Variants in EXOC6B observed in about 807,000 individuals in gnomAD.
EXOC6B encodes exocyst complex component 6B.
A neutral mutation model predicts 113.5 loss-of-function variants in EXOC6B; 54 were observed. The observed-to-expected ratio is 0.48, with a 90% CI of 0.38 to 0.60. The LOEUF (loss-of-function observed/expected upper bound fraction) is 0.60. EXOC6B is among the 20% of genes least tolerant of loss of function. The pLI is 0.00. For missense variants in EXOC6B, 797 were observed against 977.5 expected (o/e 0.82, Z 2.46); for synonymous variants, 357 against 339.0 (o/e 1.05, Z -0.58).
intron 20 of EXOC6B, among the ~76,000 whole-genome samples, chr2:72,285,485 T>C (rs1685371254): frequency 6.6e-6 from 1 of 151,802 alleles, no homozygotes; most frequent in Non-Finnish European, 1.5e-5. Context: ...AAAAATAAAC[T>C]ACAAATGGAT....
At chr2:72,470,282 G>A (rs1222117607) in intron 17 of EXOC6B, among the ~76,000 whole-genome samples, 2 of 151,860 alleles carry the variant, frequency 1.3e-5, no homozygotes, top group East Asian at 1.9e-4. Flanking sequence ...TTTTCATTGC[G>A]GACATTTTTC....
At chr2:72,295,018 G>T (rs1686037764) in intron 20 of EXOC6B, among the ~76,000 whole-genome samples, 1 of 151,952 alleles carries the variant, frequency 6.6e-6, no homozygotes, top group Non-Finnish European at 1.5e-5. Flanking sequence ...GGATCACGTG[G>T]TCAGGAAATC....
intron 1 of EXOC6B, among the ~76,000 whole-genome samples, chr2:72,742,183 G>A (rs947384081): frequency 2.0e-5 from 3 of 152,008 alleles, no homozygotes; most frequent in Admixed American, 2.0e-4. Flanking sequence ...TTCCAAGCTC[G>A]TATCTACAAT....
At chr2:72,766,713 G>A (rs937692729) in intron 1 of EXOC6B, among the ~76,000 whole-genome samples, 1 of 151,994 alleles carries the variant, frequency 6.6e-6, no homozygotes, top group Non-Finnish European at 1.5e-5. Flanking sequence ...CAGCACTTTG[G>A]GAGGATGAGG....
At chr2:72,643,803 A>G (rs1288333929) in intron 6 of EXOC6B, among the ~76,000 whole-genome samples, 1 of 150,736 alleles carries the variant, frequency 6.6e-6, no homozygotes, top group Admixed American at 6.6e-5. Context: ...GCAATAAAAA[A>G]AATTAAAAAA....
chr2:72,681,137 A>AG (rs1676671579), intron 6 of EXOC6B, among the ~76,000 whole-genome samples: 1 of 152,194 alleles, frequency 6.6e-6, no homozygotes. Context: ...ATCATGATCT[A>AG]GCTGCAACAT....
At chr2:72,551,408 G>A (rs1703214309) in intron 8 of EXOC6B, among the ~76,000 whole-genome samples, 1 of 152,200 alleles carries the variant, frequency 6.6e-6, no homozygotes, top group African/African-American at 2.4e-5. Context: ...ATGTTGGCCA[G>A]GATGGTCTCG....
intron 6 of EXOC6B, among the ~76,000 whole-genome samples, chr2:72,693,461 T>C (rs1196748738): frequency 2.0e-5 from 3 of 152,176 alleles, no homozygotes; most frequent in Non-Finnish European, 4.4e-5. Flanking sequence ...GTATAGCTCT[T>C]TTCTTTGCCT....
chr2:72,771,197 T>G (rs981141680), intron 1 of EXOC6B, among the ~76,000 whole-genome samples: 1 of 152,248 alleles, frequency 6.6e-6, no homozygotes, highest in Admixed American at 6.5e-5. Flanking sequence ...GCCAATTAAT[T>G]TGTAAAAATT....
chr2:72,319,306 A>C (rs887601855), intron 20 of EXOC6B, among the ~76,000 whole-genome samples: 4 of 152,160 alleles, frequency 2.6e-5, no homozygotes, highest in African/African-American at 9.7e-5. Flanking sequence ...TTTAATGGTA[A>C]AAGACTGAAT....
intron 11 of EXOC6B, among the ~76,000 whole-genome samples, chr2:72,502,663 A>C (rs953702244): frequency 9.2e-5 from 14 of 152,320 alleles, no homozygotes; most frequent in South Asian, 8.3e-4. Flanking sequence ...CCAATATAAA[A>C]AATTGTCTCC....
intron 20 of EXOC6B, among the ~76,000 whole-genome samples, chr2:72,229,595 AAG>A (rs1338580465): frequency 1.3e-5 from 2 of 152,186 alleles, no homozygotes; most frequent in African/African-American, 2.4e-5. Flanking sequence ...TAAAAGGATG[AAG>A]AGAGAGACAA....
chr2:72,495,636 T>C (rs1238236292), intron 14 of EXOC6B, 97 bp from the exon 15 acceptor site: 1 of 694,804 alleles, frequency 1.4e-6, no homozygotes, highest in Non-Finnish European at 2.5e-6. Context: ...TTCTTTCACA[T>C]TGTGAATTGT....
rs148170217 is a variant in EXOC6B, at chr2:72,194,601, G to C, written c.2197-10414C>G. ...TCTCTCTCTCTCTCTCTCTCTCTGTGTGTGTGTGTGCATATGTGTGTGTGC... is the reference window on the plus strand; with the variant it reads ...TCTCTCTCTCTCTCTCTCTCTCTGTCTGTGTGTGTGCATATGTGTGTGTGC... On this transcript the variant is annotated intron_variant, in intron 20 of 21. Coordinates refer to ENST00000272427, the MANE Select transcript of EXOC6B (RefSeq NM_015189.3). 2.1e-3 allele frequency among the ~76,000 whole-genome samples: 249 copies of C among 117,796 alleles called. 1 individual carries two copies. The highest frequency in any genetic ancestry group is 0.011 in the African/African-American group (211 of 18,960). 77.3% of individuals were successfully genotyped at this position (117,796 alleles called of 152,430 possible).
chr2:72,562,264 A>C (rs1017531338), intron 7 of EXOC6B, among the ~76,000 whole-genome samples: 9 of 152,164 alleles, frequency 5.9e-5, no homozygotes, highest in African/African-American at 1.9e-4. Context: ...GTTTGGAAGA[A>C]TAAGAAGTGA....
intron 8 of EXOC6B, among the ~76,000 whole-genome samples, chr2:72,518,123 T>C (rs913404884): frequency 6.6e-6 from 1 of 152,154 alleles, no homozygotes; most frequent in Non-Finnish European, 1.5e-5. Flanking sequence ...TGCCTGTCTA[T>C]TCACAGAGAG....
intron 6 of EXOC6B, among the ~76,000 whole-genome samples, chr2:72,622,983 G>A (rs1671836158): frequency 6.6e-6 from 1 of 152,040 alleles, no homozygotes. Context: ...TCAAGATAAA[G>A]GTTATAGGGA....
chr2:72,578,415 C>A (rs1705007186), intron 6 of EXOC6B, among the ~76,000 whole-genome samples: 1 of 152,090 alleles, frequency 6.6e-6, no homozygotes, highest in African/African-American at 2.4e-5. Context: ...GAGGCTCTAC[C>A]TCCTAATACG....
chr2:72,570,647 C>T (rs886108521), intron 7 of EXOC6B, among the ~76,000 whole-genome samples: 2 of 152,166 alleles, frequency 1.3e-5, no homozygotes, highest in African/African-American at 4.8e-5. Flanking sequence ...GAGAGGTACA[C>T]ACTAGAATAT....
Sources: allele counts gnomAD v4.1 joint callset (sites outside exome capture counted in the v4.1 genomes callset), GRCh38; gene constraint gnomAD v4.1.1; transcripts MANE v1.5; gene names NCBI Gene and HGNC (gene_info 2026-07-23, HGNC 2026-07-21).